The following RAB5A variants were observed in gnomAD, a reference collection of about 807,000 sequenced individuals.
The protein encoded by RAB5A is RAB5A, member RAS oncogene family.
RAB5A carries 8 observed loss-of-function variants against 25.7 expected under a neutral mutation model. The observed-to-expected ratio is 0.31, with a 90% CI of 0.18 to 0.56. RAB5A has a LOEUF of 0.56. RAB5A is among the 20% of genes least tolerant of loss of function. The pLI, the probability that RAB5A is intolerant of heterozygous loss-of-function variation, is 0.91. For synonymous variants in RAB5A, 98 were observed against 89.8 expected, an observed-to-expected ratio of 1.09 and a Z score of -0.52; for missense variants, 192 against 259.7, an observed-to-expected ratio of 0.74 and a Z score of 1.79.
intron 2 of RAB5A, among the ~76,000 whole-genome samples, chr3:19,957,757 G>A (rs555095645): frequency 6.0e-5 from 9 of 150,858 alleles, no homozygotes; most frequent in Admixed American, 2.6e-4. Flanking sequence ...GTAAGTAGGC[G>A]AGGTGATCAA....
intron 2 of RAB5A, among the ~76,000 whole-genome samples, chr3:19,972,199 C>T (rs1430772347): frequency 3.3e-5 from 5 of 152,142 alleles, no homozygotes; most frequent in Non-Finnish European, 7.3e-5. Flanking sequence ...TGTGTACAAG[C>T]TTTATGTGAA....
intron 5 of RAB5A, among the ~76,000 whole-genome samples, chr3:19,981,874 G>A (rs1696935321): frequency 6.6e-6 from 1 of 152,164 alleles, no homozygotes; most frequent in Non-Finnish European, 1.5e-5. Flanking sequence ...TTTTGGAGAT[G>A]AGGTCTTCAG....
intron 5 of RAB5A, among the ~76,000 whole-genome samples, chr3:19,982,206 C>CT (rs1345465792): frequency 1.3e-5 from 2 of 152,166 alleles, no homozygotes; most frequent in South Asian, 2.1e-4. Context: ...GCACCACACT[C>CT]TAACTTGGGC....
At chr3:19,951,469 A>G (rs924782135) in intron 2 of RAB5A, among the ~76,000 whole-genome samples, 7 of 152,224 alleles carry the variant, frequency 4.6e-5, no homozygotes, top group Non-Finnish European at 1.5e-5. Flanking sequence ...TAACTGAAGT[A>G]TTTGCAAATA....
intron 2 of RAB5A, among the ~76,000 whole-genome samples, chr3:19,955,300 A>G (rs1041273393): frequency 2.0e-5 from 3 of 152,224 alleles, no homozygotes; most frequent in African/African-American, 7.2e-5. Context: ...TGTACATGAA[A>G]ATAACATTCC....
chr3:19,950,860 T>G lies in RAB5A; in HGVS notation c.-39T>G. The G allele has an allele frequency of 6.3e-7, 1 of 1,581,826 alleles. No homozygotes were observed. The highest frequency in any genetic ancestry group is 8.6e-7 in the Non-Finnish European group (1 of 1,161,656). On this transcript the variant is annotated 5_prime_UTR_variant, in exon 2 of 6. In the 5' UTR this introduces an upstream ATG that the reference lacks. Coordinates refer to ENST00000273047, the MANE Select transcript of RAB5A (RefSeq NM_004162.5). ...GGCCCCTTGAATTCTGGAAGTTCAT[T>G]GAAGAGTCTGAAATTAGGGACTTAT...
At chr3:19,948,140 C>CT (rs1696357996) in intron 1 of RAB5A, among the ~76,000 whole-genome samples, 1 of 152,190 alleles carries the variant, frequency 6.6e-6, no homozygotes, top group Non-Finnish European at 1.5e-5. Flanking sequence ...AACAGGACCG[C>CT]TGAACTCCTT....
intron 2 of RAB5A, among the ~76,000 whole-genome samples, chr3:19,974,304 G>A (rs182723043): frequency 9.9e-5 from 15 of 151,858 alleles, no homozygotes; most frequent in Non-Finnish European, 1.3e-4. Context: ...ACAGGCAAGC[G>A]CCACCATGTC....
At chr3:19,954,922 A>G (rs1221270087) in intron 2 of RAB5A, among the ~76,000 whole-genome samples, 1 of 152,182 alleles carries the variant, frequency 6.6e-6, no homozygotes, top group Non-Finnish European at 1.5e-5. Flanking sequence ...AGCAATTTAG[A>G]GAATTCTAGC....
intron 2 of RAB5A, among the ~76,000 whole-genome samples, chr3:19,956,000 C>G (rs1018161641): frequency 1.3e-5 from 2 of 152,144 alleles, no homozygotes; most frequent in East Asian, 3.9e-4. Flanking sequence ...GAATGCCTTC[C>G]TGTTAGCCAC....
chr3:19,969,044 G>GTTTTTTTTTT (rs746635502), intron 2 of RAB5A, among the ~76,000 whole-genome samples: 1 of 65,552 alleles, frequency 1.5e-5, no homozygotes. Context: ...TTTTTTTTTT[G>GTTTTTTTTTT]GTTTTTTTTT....
intron 2 of RAB5A, among the ~76,000 whole-genome samples, chr3:19,963,765 C>G (rs1036883653): frequency 2.6e-5 from 4 of 152,114 alleles, no homozygotes; most frequent in African/African-American, 9.7e-5. Flanking sequence ...CCACCTCACC[C>G]TCCCAAGTAG....
rs538648901 is a variant in RAB5A at position 19,981,890 on chromosome 3, T to C, written c.533-1818T>C. 2.0e-5 allele frequency among the ~76,000 whole-genome samples: 3 copies of C among 152,268 alleles called. No homozygotes were observed. In the East Asian group the frequency reaches 5.8e-4, roughly 29 times the overall value. On this transcript the variant is annotated intron_variant, in intron 5 of 5. Coordinates refer to ENST00000273047, the MANE Select transcript of RAB5A (RefSeq NM_004162.5). ...TTTGGAGATGAGGTCTTCAGGATAATTCTATCTGGATTAGGTACAGCTACT... is the reference window on the plus strand; with the variant it reads ...TTTGGAGATGAGGTCTTCAGGATAACTCTATCTGGATTAGGTACAGCTACT...
intron 2 of RAB5A, among the ~76,000 whole-genome samples, chr3:19,968,495 GTCACCCA>G (rs1696691497): frequency 6.6e-6 from 1 of 152,100 alleles, no homozygotes; most frequent in African/African-American, 2.4e-5. Context: ...GAGACAGTCT[GTCACCCA>G]GACTGGAATG....
intron 4 of RAB5A, among the ~76,000 whole-genome samples, 171 bp from the exon 5 acceptor site, chr3:19,978,139 A>G (rs1696854883): frequency 6.6e-6 from 1 of 152,218 alleles, no homozygotes; most frequent in Non-Finnish European, 1.5e-5. Context: ...ATTATCTTGC[A>G]CAGTGCTCTT....
intron 5 of RAB5A, among the ~76,000 whole-genome samples, chr3:19,983,367 GT>G (rs1553640240): frequency 7.3e-6 from 1 of 136,368 alleles, no homozygotes; most frequent in Non-Finnish European, 1.6e-5. Flanking sequence ...AAAAAAAGAA[GT>G]AATAATGAGT....
chr3:19,960,309 G>GT (rs937688990), intron 2 of RAB5A, among the ~76,000 whole-genome samples: 7 of 152,014 alleles, frequency 4.6e-5, no homozygotes, highest in South Asian at 2.1e-4. Flanking sequence ...ACTTCTAAAG[G>GT]TTTTTGTTTT....
rs569039411 is a variant in RAB5A at position 19,949,206 on chromosome 3, A to G, written c.-93-1600A>G. Reference sequence around the variant, plus strand: ...TGGAAGCAACTCAGATATTACGTCAATAAATCTGTAAATATTTCAGTATGT... The same window carrying G: ...TGGAAGCAACTCAGATATTACGTCAGTAAATCTGTAAATATTTCAGTATGT... On this transcript the variant is annotated intron_variant, in intron 1 of 5. Transcript: ENST00000273047. Among the ~76,000 whole-genome samples the G allele has an allele frequency of 4.6e-5, 7 of 152,330 alleles. No homozygotes were observed. In the South Asian group the frequency reaches 1.0e-3, roughly 23 times the overall value.
At chr3:19,970,710 A>C (rs1050604091) in intron 2 of RAB5A, 5 of 404,118 alleles carry the variant, frequency 1.2e-5, no homozygotes, top group African/African-American at 2.1e-5. Flanking sequence ...GTGGTTTTAC[A>C]GATTCAGGTA....
Sources: gnomAD v4.1 joint callset for allele counts (sites outside exome capture counted in the v4.1 genomes callset) on GRCh38, gnomAD v4.1.1 for gene constraint, MANE v1.5 for transcripts, NCBI Gene and HGNC (gene_info 2026-07-23, HGNC 2026-07-21) for gene names.